Variants in ARFGEF1 observed in about 807,000 individuals in gnomAD.
The protein encoded by ARFGEF1 is ARF guanine nucleotide exchange factor 1, also known as brefeldin A-inhibited guanine nucleotide-exchange protein 1.
A neutral mutation model predicts 231.0 loss-of-function variants in ARFGEF1; 42 were observed. The observed-to-expected ratio is 0.18, with a 90% CI of 0.14 to 0.24. The LOEUF is 0.24. ARFGEF1 is among the 10% of genes least tolerant of loss of function. The pLI is 1.00. For missense variants in ARFGEF1, 1,345 were observed against 2,192.0 expected (o/e 0.61, Z 7.72); for synonymous variants, 710 against 732.3 (o/e 0.97, Z 0.49).
intron 1 of ARFGEF1, among the ~76,000 whole-genome samples, chr8:67,311,784 G>A (rs1807080117): frequency 6.6e-6 from 1 of 152,216 alleles, no homozygotes; most frequent in Non-Finnish European, 1.5e-5. Context: ...TGGCGGCTTT[G>A]TGGAATAGAA....
In ARFGEF1 at chr8:67,291,963, A is replaced by C. The variant is rs1319219148; in HGVS notation, c.800T>G (p.Leu267Arg). ...ACTTTTATCTACATCATTTGTATGG[A>C]GGTCAAGGTCCCCTTCGTGTTCTTG... The part of the protein sequence containing the change: ...ISQEHEGDLD[L>R]HTNDVDKSLQ... The change falls in exon 6 of 39, where the codon CTC becomes CGC. Residue 267 changes from leucine to arginine, a missense_variant. By Grantham distance (102) the Leu-to-Arg change is moderately radical. This residue lies in a region of ARFGEF1 where 398 missense variants were observed against 463.2 expected (regional missense o/e 0.86). Coordinates refer to ENST00000262215, the MANE Select transcript of ARFGEF1 (RefSeq NM_006421.5). 2.5e-6 allele frequency: 4 copies of C among 1,613,906 alleles called. No homozygotes were observed. The highest frequency in any genetic ancestry group is 2.2e-5 in the East Asian group (1 of 44,856).
At chr8:67,218,189 A>T in intron 30 of ARFGEF1, 51 bp from the exon 31 acceptor site, 2 of 336,886 alleles carry the variant, frequency 5.9e-6, no homozygotes, top group Non-Finnish European at 7.6e-6. Context: ...AACTACTATG[A>T]TTAAAAAAAA....
intron 14 of ARFGEF1, among the ~76,000 whole-genome samples, chr8:67,264,579 A>AAAAAACAGCCCC (rs1288169994): frequency 6.6e-6 from 1 of 152,154 alleles, no homozygotes; most frequent in East Asian, 1.9e-4. Flanking sequence ...AGGAAGAAAG[A>AAAAAACAGCCCC]AAAAACAGCC....
Position 67,216,620 on chromosome 8 carries a change from TG to T in ARFGEF1, c.4655del (p.Pro1552HisfsTer6). Reference protein sequence around the residue: ...WRPNSGETAPPPPSPVSEKPL... With the variant: ...WRPNSGETAPXPPSPVSEKPL... ...GCTTTTCACTTACAGGAGATGGAGG[TG>T]GGGGGGCAGTTTCTCCAGAATTGGG... On this transcript the variant is annotated frameshift_variant, in exon 33 of 39. Coordinates refer to ENST00000262215, the MANE Select transcript of ARFGEF1 (RefSeq NM_006421.5). LOFTEE classifies it high-confidence loss of function. 1.2e-6 allele frequency: 2 copies of T among 1,605,904 alleles called. No individual in the cohort carries two copies. Among genetic ancestry groups the T allele is most frequent in the Non-Finnish European group, 8.5e-7 (1 of 1,177,808 alleles).
chr8:67,193,616 T>C, downstream of ARFGEF1: 7 of 1,608,456 alleles, frequency 4.4e-6, no homozygotes, highest in Admixed American at 1.7e-5. Context: ...AATGACCAAG[T>C]GTAATGGCCT....
At position 67,253,477 on chromosome 8, in the gene ARFGEF1, G is replaced by T; in HGVS notation, c.2672C>A (p.Thr891Lys). 6.4e-7 allele frequency: 1 copy of T among 1,571,586 alleles called. No homozygotes were observed. The highest frequency in any genetic ancestry group is 8.7e-7 in the Non-Finnish European group (1 of 1,146,146). Reference protein sequence around the residue: ...KISMKETKELTIPTKSSKQNV... With the variant: ...KISMKETKELKIPTKSSKQNV... ...CTGTTTACTTGATTTTGTAGGGATTGTTAGTTCTTTTGTTTCTTTCATTGA... is the reference window on the plus strand; with the variant it reads ...CTGTTTACTTGATTTTGTAGGGATTTTTAGTTCTTTTGTTTCTTTCATTGA... The change falls in exon 18 of 39, where the codon ACA (threonine) becomes AAA (lysine). Residue 891 changes from threonine to lysine, a missense_variant. By Grantham distance (78) the Thr-to-Lys change is moderately conservative. Transcript: ENST00000262215.
intron 37 of ARFGEF1, among the ~76,000 whole-genome samples, chr8:67,200,851 A>G (rs1838301301): frequency 6.6e-6 from 1 of 152,180 alleles, no homozygotes; most frequent in Non-Finnish European, 1.5e-5. Context: ...TCCTCTCTTC[A>G]CTGACCCTTG....
chr8:67,190,759 T>G, intron 5 of ARFGEF1: 2 of 1,598,080 alleles, frequency 1.3e-6, no homozygotes, highest in South Asian at 2.2e-5. Context: ...GACTAGACAT[T>G]GTATGTATGA....
downstream of ARFGEF1, chr8:67,195,683 C>G: frequency 3.0e-6 from 3 of 1,015,674 alleles, no homozygotes; most frequent in South Asian, 4.6e-5. Context: ...TGGCCCCTAC[C>G]TGAAAGTTAC....
intron 5 of ARFGEF1, among the ~76,000 whole-genome samples, chr8:67,181,238 A>C (rs10105172): frequency 6.8e-6 from 1 of 148,098 alleles, no homozygotes; most frequent in African/African-American, 2.5e-5. Context: ...AGGTCTCCCT[A>C]TGTTGCCCAG....
At chr8:67,320,991 C>A (rs1807563462) in intron 1 of ARFGEF1, among the ~76,000 whole-genome samples, 1 of 151,964 alleles carries the variant, frequency 6.6e-6, no homozygotes, top group African/African-American at 2.4e-5. Flanking sequence ...AACAAGACTA[C>A]TAATACATAC....
At chr8:67,258,568 C>T (rs1009932332) in intron 15 of ARFGEF1, among the ~76,000 whole-genome samples, 6 of 152,034 alleles carry the variant, frequency 3.9e-5, no homozygotes, top group African/African-American at 7.2e-5. Context: ...GTAATCTACC[C>T]GCCTCAGCCT....
intron 5 of ARFGEF1, among the ~76,000 whole-genome samples, chr8:67,184,148 C>G (rs530709580): frequency 6.6e-6 from 1 of 152,066 alleles, no homozygotes; most frequent in Admixed American, 6.5e-5. Context: ...CCACTGCGCC[C>G]GGCCAAAAAT....
chr8:67,216,793 T>A, intron 32 of ARFGEF1, 131 bp from the exon 33 acceptor site: 1 of 546,786 alleles, frequency 1.8e-6, no homozygotes, highest in Non-Finnish European at 3.0e-6. Flanking sequence ...CCACTGCTAA[T>A]TTTAGCAATT....
downstream of ARFGEF1, among the ~76,000 whole-genome samples, chr8:67,196,593 A>AATT (rs1837986077): frequency 6.6e-6 from 1 of 152,166 alleles, no homozygotes; most frequent in Admixed American, 6.5e-5. Context: ...AATTTGCCAC[A>AATT]ATTAAATTAC....
intron 1 of ARFGEF1, among the ~76,000 whole-genome samples, chr8:67,316,037 ATTGT>A (rs1341786542): frequency 8.5e-5 from 13 of 152,316 alleles, no homozygotes; most frequent in South Asian, 2.1e-4. Flanking sequence ...TAAAAAGCTG[ATTGT>A]TTGATAAGAT....
chr8:67,258,055 ACAAT>A, intron 16 of ARFGEF1, 26 bp downstream of exon 16: 2 of 1,569,528 alleles, frequency 1.3e-6, no homozygotes, highest in Non-Finnish European at 1.8e-6. Context: ...GATATAACAG[ACAAT>A]CAATGAGCAT....
Position 67,311,222 on chromosome 8 carries a change from C to T in ARFGEF1, c.125-8756G>A, listed in dbSNP as rs887979371. Among the ~76,000 whole-genome samples, 7 of 144,680 alleles carry T rather than the reference C, an allele frequency of 4.8e-5. No homozygotes were observed. In the South Asian group the frequency reaches 6.6e-4, roughly 14 times the overall value. The allele number at this position is 144,680 out of a possible 152,430, so 94.9% of individuals were successfully genotyped here. On this transcript the variant is annotated intron_variant, in intron 1 of 38. Transcript: ENST00000262215. ...AGCCCCTCTGCCTGGCCAGCCGCCC[C>T]GTCCGGGAGGGAGGTGGGGAGGTCA...
At chr8:67,308,978 G>C (rs1308118284) in intron 1 of ARFGEF1, among the ~76,000 whole-genome samples, 1 of 152,042 alleles carries the variant, frequency 6.6e-6, no homozygotes, top group East Asian at 1.9e-4. Flanking sequence ...AGTCACAGTA[G>C]CGAAGATATG....
Sources: gnomAD v4.1 joint callset for allele counts (sites outside exome capture counted in the v4.1 genomes callset) on GRCh38, gnomAD v4.1.1 for gene constraint, gnomAD v4.1.1 regional missense constraint, MANE v1.5 for transcripts, NCBI Gene and HGNC (gene_info 2026-07-23, HGNC 2026-07-21) for gene names.